BRINP3: variants seen among roughly 807,000 people sequenced by gnomAD.
The protein encoded by BRINP3 is BMP/retinoic acid inducible neural specific 3.
BRINP3 carries 19 observed loss-of-function variants against 71.0 expected under a neutral mutation model. The observed-to-expected ratio is 0.27, with a 90% CI of 0.19 to 0.39. BRINP3 has a LOEUF of 0.39. Among genes scored for constraint, BRINP3 ranks in the 10% least tolerant of loss-of-function variants. The pLI, the probability that BRINP3 is intolerant of heterozygous loss-of-function variation, is 1.00. For missense variants in BRINP3, 959 were observed against 940.8 expected (o/e 1.02, Z -0.25); for synonymous variants, 380 against 337.7 (o/e 1.13, Z -1.37).
chr1:190,471,054 T>C (rs1217191943), intron 1 of BRINP3, among the ~76,000 whole-genome samples: 1 of 151,210 alleles, frequency 6.6e-6, no homozygotes, highest in Non-Finnish European at 1.5e-5. Context: ...TGTAATTGGA[T>C]AGGTCTGCAG....
chr1:190,299,258 C>G (rs1488025188), intron 2 of BRINP3, among the ~76,000 whole-genome samples: 1 of 151,836 alleles, frequency 6.6e-6, no homozygotes, highest in Non-Finnish European at 1.5e-5. Flanking sequence ...TCTATTCCAC[C>G]AATGTCTGTA....
intron 2 of BRINP3, among the ~76,000 whole-genome samples, chr1:190,325,699 T>A (rs1376527998): frequency 6.6e-6 from 1 of 152,110 alleles, no homozygotes; most frequent in Admixed American, 6.6e-5. Context: ...ATAATATGTC[T>A]GTATAACTGG....
Position 190,098,740 on chromosome 1 carries a change from G to A in BRINP3, c.1579C>T (p.Pro527Ser), listed in dbSNP as rs761165872. The A allele has an allele frequency of 6.2e-7, 1 of 1,614,192 alleles. No homozygotes were observed. The highest frequency in any genetic ancestry group is 8.5e-7 in the Non-Finnish European group (1 of 1,180,032). Residue 527 changes from proline to serine, a missense_variant, in exon 8 of 8, where the codon CCC becomes TCC. Transcript: ENST00000367462. The part of the protein sequence containing the change: ...NDMRLNSWFD[P>S]SWRKRMLLTL... ...AGGAGCATCCGCTTACGCCAGGAGG[G>A]ATCAAACCAGCTATTGAGGCGCATG... is the stretch of plus-strand genomic sequence containing the variant.
intron 3 of BRINP3, among the ~76,000 whole-genome samples, chr1:190,278,108 G>C (rs1662749886): frequency 6.6e-6 from 1 of 151,616 alleles, no homozygotes; most frequent in South Asian, 2.1e-4. Flanking sequence ...ATAACTCTTA[G>C]GGGAAAAAGC....
In BRINP3 at chr1:190,307,268, T is replaced by G. The variant is rs920671013; in HGVS notation, c.237-25518A>C. Among the ~76,000 whole-genome samples the G allele has an allele frequency of 1.9e-3, 233 of 123,352 alleles. 7 individuals carry two copies. In the East Asian group the frequency reaches 0.039, roughly 21 times the overall value. The allele number at this position is 123,352 out of a possible 152,430, so 80.9% of individuals were successfully genotyped here. A position where few individuals can be genotyped will look rare whatever the true frequency, so the allele number is the denominator to read the frequency against. On this transcript the variant is annotated intron_variant, in intron 2 of 7. Transcript: ENST00000367462. ...CTCATTTAAAACATTGTTTTTTTTT[T>G]TTTTTTTTTTTTTTTTTTGAGACAG...
intron 7 of BRINP3, among the ~76,000 whole-genome samples, chr1:190,121,423 AAAC>A (rs1653648900): frequency 6.6e-6 from 1 of 152,226 alleles, no homozygotes; most frequent in Admixed American, 6.5e-5. Flanking sequence ...AGGTAACTTA[AAAC>A]AAAGACTACA....
At chr1:190,263,528 A>C (rs1306993751) in intron 4 of BRINP3, among the ~76,000 whole-genome samples, 1 of 151,730 alleles carries the variant, frequency 6.6e-6, no homozygotes, top group African/African-American at 2.4e-5. Flanking sequence ...ATATACTTGG[A>C]GCAATCTTCC....
At chr1:190,228,889 G>A (rs1657665838) in intron 5 of BRINP3, among the ~76,000 whole-genome samples, 1 of 151,960 alleles carries the variant, frequency 6.6e-6, no homozygotes, top group Non-Finnish European at 1.5e-5. Context: ...GCTTAACAAA[G>A]CTTAGTTTTG....
At chr1:190,232,897 T>C (rs574426419) in intron 5 of BRINP3, among the ~76,000 whole-genome samples, 28 of 152,178 alleles carry the variant, frequency 1.8e-4, no homozygotes, top group African/African-American at 6.5e-4. Context: ...CAGTAGAGAA[T>C]TGCAAGAAAC....
chr1:190,303,932 T>C (rs929113479), intron 2 of BRINP3, among the ~76,000 whole-genome samples: 6 of 151,622 alleles, frequency 4.0e-5, no homozygotes, highest in South Asian at 2.1e-4. Flanking sequence ...AAATCATAAA[T>C]AATTTATTTT....
chr1:190,301,198 C>CATATATATATATATATAT (rs1390064895), intron 2 of BRINP3, among the ~76,000 whole-genome samples: 402 of 26,652 alleles, frequency 0.015, 7 homozygotes, highest in South Asian at 0.041. Context: ...TATATATATA[C>CATATATATATATATATAT]ACATACATAT....
chr1:190,170,777 A>G (rs1651941483), intron 6 of BRINP3, among the ~76,000 whole-genome samples: 1 of 152,200 alleles, frequency 6.6e-6, no homozygotes, highest in Non-Finnish European at 1.5e-5. Context: ...AATATCCTGC[A>G]ATAACCTGTG....
intron 4 of BRINP3, among the ~76,000 whole-genome samples, chr1:190,249,836 T>C (rs1274821146): frequency 6.6e-6 from 1 of 151,920 alleles, no homozygotes; most frequent in East Asian, 1.9e-4. Flanking sequence ...TAGTCAACAG[T>C]ATTATTAAAT....
chr1:190,403,425 C>G (rs188865851), intron 2 of BRINP3, among the ~76,000 whole-genome samples: 46 of 152,242 alleles, frequency 3.0e-4, no homozygotes, highest in African/African-American at 1.1e-3. Flanking sequence ...CATTTTCTAA[C>G]AGGGTGAATA....
intron 2 of BRINP3, among the ~76,000 whole-genome samples, chr1:190,416,161 A>G (rs559188114): frequency 6.6e-6 from 1 of 152,238 alleles, no homozygotes; most frequent in African/African-American, 2.4e-5. Flanking sequence ...AACTATAAAC[A>G]CCTTCAAAGG....
chr1:190,314,341 C>G (rs1665738678), intron 2 of BRINP3, among the ~76,000 whole-genome samples: 1 of 151,988 alleles, frequency 6.6e-6, no homozygotes, highest in South Asian at 2.1e-4. Context: ...CATCCTACTC[C>G]TTAGAATCCA....
chr1:190,199,080 T>C (rs1452224390), intron 6 of BRINP3, among the ~76,000 whole-genome samples: 2 of 152,078 alleles, frequency 1.3e-5, no homozygotes, highest in East Asian at 1.9e-4. Context: ...TCTTACATGA[T>C]GGCAGGCAAG....
chr1:190,171,516 C>T (rs1250591153), intron 6 of BRINP3, among the ~76,000 whole-genome samples: 1 of 151,992 alleles, frequency 6.6e-6, no homozygotes, highest in Non-Finnish European at 1.5e-5. Context: ...TAGTGATTTC[C>T]TTATGAATAA....
At chr1:190,398,483 C>T (rs555390976) in intron 2 of BRINP3, among the ~76,000 whole-genome samples, 7 of 151,776 alleles carry the variant, frequency 4.6e-5, no homozygotes, top group Non-Finnish European at 5.9e-5. Flanking sequence ...CTAAGTATAA[C>T]GCTGAACAAA....
Sources: allele counts gnomAD v4.1 joint callset (sites outside exome capture counted in the v4.1 genomes callset), GRCh38; gene constraint gnomAD v4.1.1; transcripts MANE v1.5; gene names NCBI Gene and HGNC (gene_info 2026-07-23, HGNC 2026-07-21).